The following SNTG1 variants were observed in gnomAD, a reference collection of about 807,000 sequenced individuals.
The protein encoded by SNTG1 is syntrophin gamma 1.
SNTG1 carries 39 observed loss-of-function variants against 74.7 expected under a neutral mutation model. The observed-to-expected ratio is 0.52, with a 90% CI of 0.40 to 0.68. The LOEUF is 0.68. SNTG1 is among the 30% of genes least tolerant of loss of function. The pLI, the probability that SNTG1 is intolerant of heterozygous loss-of-function variation, is 0.00. For missense variants in SNTG1, 685 were observed against 609.5 expected, an observed-to-expected ratio of 1.12 and a Z score of -1.30; for synonymous variants, 254 against 217.1, an observed-to-expected ratio of 1.17 and a Z score of -1.49.
Position 50,706,856 on chromosome 8 carries a change from T to G in SNTG1, c.1192-2030T>G, listed in dbSNP as rs568034786. ...CCAGTAAAGTTGATAGGGAATTAAA[T>G]AAAGAAGGAATATAAGTTCTATCGT... On this transcript the variant is annotated intron_variant, in intron 16 of 18. Transcript: ENST00000642720. Among the ~76,000 whole-genome samples, 218 of 151,980 alleles carry G rather than the reference T, an allele frequency of 1.4e-3. 1 individual carries two copies. The highest frequency in any genetic ancestry group is 4.8e-3 in the African/African-American group (201 of 41,528).
At chr8:50,214,853 G>A (rs184240383) in intron 2 of SNTG1, among the ~76,000 whole-genome samples, 209 of 152,288 alleles carry the variant, frequency 1.4e-3, no homozygotes, top group Non-Finnish European at 2.4e-3. Flanking sequence ...CCAGTACCCT[G>A]ACAAAGCTGA....
At chr8:50,065,259 G>A (rs1383545242) in intron 1 of SNTG1, among the ~76,000 whole-genome samples, 3 of 152,154 alleles carry the variant, frequency 2.0e-5, no homozygotes, top group African/African-American at 7.2e-5. Flanking sequence ...ATTAGGAAAT[G>A]TCTTTCACTA....
chr8:50,035,630 C>T (rs1818092249), intron 1 of SNTG1, among the ~76,000 whole-genome samples: 2 of 152,200 alleles, frequency 1.3e-5, no homozygotes, highest in Non-Finnish European at 2.9e-5. Context: ...TTCAATCCAA[C>T]TTTCAATCCC....
chr8:50,052,471 TTA>T (rs1454472409), intron 1 of SNTG1, among the ~76,000 whole-genome samples: 4 of 152,116 alleles, frequency 2.6e-5, no homozygotes, highest in Non-Finnish European at 5.9e-5. Flanking sequence ...TACAACACTC[TTA>T]TAGGAAAATG....
intron 1 of SNTG1, among the ~76,000 whole-genome samples, chr8:50,139,040 A>G (rs1346709193): frequency 6.6e-6 from 1 of 152,136 alleles, no homozygotes; most frequent in Admixed American, 6.5e-5. Flanking sequence ...TGCTGTTACC[A>G]TTTTGATGTA....
At chr8:50,123,630 A>G (rs1357270626) in intron 1 of SNTG1, among the ~76,000 whole-genome samples, 1 of 142,028 alleles carries the variant, frequency 7.0e-6, no homozygotes, top group Non-Finnish European at 1.6e-5. Flanking sequence ...CCAAACAAAA[A>G]CCCTCTTTCA....
intron 2 of SNTG1, among the ~76,000 whole-genome samples, chr8:50,356,815 T>G (rs2923061): frequency 0.91 from 138,828 of 152,170 alleles, 64,662 homozygotes; most frequent in East Asian, 1. Flanking sequence ...TAGCATTTTT[T>G]AGTCTGATTC....
chr8:50,536,713 AG>A lies in SNTG1; in HGVS notation c.587del (p.Gly196AlafsTer2). On this transcript the variant is annotated frameshift_variant, in exon 11 of 19. Coordinates refer to ENST00000642720, the MANE Select transcript of SNTG1 (RefSeq NM_018967.5). LOFTEE classifies it high-confidence loss of function. ...LSCSSWPTSPGLRWEKRWCDL... is the reference protein window; with the variant it reads ...LSCSSWPTSPXLRWEKRWCDL... Reference sequence around the variant, plus strand: ...CATGCTCGTCGTGGCCGACGTCTCCAGGCTTGAGGTGGGAGAAGCGATGGTG... The same window carrying A: ...CATGCTCGTCGTGGCCGACGTCTCCAGCTTGAGGTGGGAGAAGCGATGGTG... 6.2e-7 allele frequency: 1 copy of A among 1,613,948 alleles called. No individual in the cohort carries two copies. The highest frequency in any genetic ancestry group is 8.5e-7 in the Non-Finnish European group (1 of 1,179,846).
chr8:50,203,176 A>G (rs1332454364), intron 2 of SNTG1, among the ~76,000 whole-genome samples: 2 of 152,126 alleles, frequency 1.3e-5, no homozygotes, highest in Non-Finnish European at 2.9e-5. Context: ...CACGTCTAGG[A>G]TTCTGATGAA....
intron 2 of SNTG1, among the ~76,000 whole-genome samples, chr8:50,320,087 G>A (rs2090466888): frequency 6.6e-6 from 1 of 152,138 alleles, no homozygotes; most frequent in Non-Finnish European, 1.5e-5. Context: ...TAGGATTGGT[G>A]TTAGTCGTTC....
intron 8 of SNTG1, among the ~76,000 whole-genome samples, chr8:50,465,548 C>G (rs1451326357): frequency 6.6e-6 from 1 of 152,134 alleles, no homozygotes; most frequent in Non-Finnish European, 1.5e-5. Context: ...GCCACTGTTA[C>G]AATGTCATAC....
At chr8:50,363,398 G>A (rs980621975) in intron 2 of SNTG1, among the ~76,000 whole-genome samples, 5 of 152,136 alleles carry the variant, frequency 3.3e-5, no homozygotes, top group African/African-American at 1.2e-4. Context: ...GGTGCAGAGC[G>A]GGGTTAGAGC....
intron 13 of SNTG1, among the ~76,000 whole-genome samples, chr8:50,634,551 G>A (rs942770696): frequency 1.3e-5 from 2 of 152,164 alleles, no homozygotes; most frequent in African/African-American, 4.8e-5. Flanking sequence ...GAAAACCTGT[G>A]TACCCTTTAC....
In SNTG1 at chr8:50,181,511, T is replaced by C. The variant is rs372904120; in HGVS notation, c.-28+8876T>C. 4.6e-5 allele frequency among the ~76,000 whole-genome samples: 7 copies of C among 152,344 alleles called. 2 individuals are homozygous for C. Among genetic ancestry groups the C allele is most frequent in the Admixed American group, 6.5e-5 (1 of 15,298 alleles). On this transcript the variant is annotated intron_variant, in intron 2 of 18. Transcript: ENST00000642720. The stretch of plus-strand genomic sequence containing the variant: ...AGCAGAGTTTTTCAGGTGCTATTTC[T>C]GGGCTATACATTCTCATTTTATAAA...
intron 4 of SNTG1, among the ~76,000 whole-genome samples, chr8:50,419,837 C>A (rs1373403144): frequency 6.6e-6 from 1 of 150,658 alleles, no homozygotes; most frequent in Non-Finnish European, 1.5e-5. Context: ...ATATCTCAGC[C>A]AAAAAAAATT....
intron 18 of SNTG1, among the ~76,000 whole-genome samples, chr8:50,760,008 C>G (rs1300069785): frequency 1.3e-5 from 2 of 152,204 alleles, no homozygotes; most frequent in East Asian, 1.9e-4. Context: ...TTTGTGTCCT[C>G]TCTTATTCCC....
intron 2 of SNTG1, among the ~76,000 whole-genome samples, chr8:50,290,877 C>T (rs187441190): frequency 4.9e-3 from 751 of 152,088 alleles, no homozygotes; most frequent in Non-Finnish European, 8.1e-3. Flanking sequence ...TCTGCTTCAG[C>T]CCCCCAAGTA....
intron 1 of SNTG1, among the ~76,000 whole-genome samples, chr8:49,954,871 C>A (rs1321353225): frequency 6.6e-6 from 1 of 152,060 alleles, no homozygotes; most frequent in Non-Finnish European, 1.5e-5. Flanking sequence ...AAAACTACAA[C>A]AATTTTTAAT....
chr8:50,458,279 G>A (rs748582431), intron 8 of SNTG1: 22 of 151,152 alleles, frequency 1.5e-4, no homozygotes, highest in Non-Finnish European at 2.7e-4. Flanking sequence ...TCAGATAGAT[G>A]GTGAAAATTA....
Sources: allele counts gnomAD v4.1 joint callset (sites outside exome capture counted in the v4.1 genomes callset), GRCh38; gene constraint gnomAD v4.1.1; transcripts MANE v1.5; gene names NCBI Gene and HGNC (gene_info 2026-07-23, HGNC 2026-07-21).